The following LTBP1 variants were observed in gnomAD, a reference collection of about 807,000 sequenced individuals.
LTBP1 encodes latent-transforming growth factor beta-binding protein 1.
Under a neutral mutation model 207.6 loss-of-function variants are expected in LTBP1, and 129 were observed. That is an observed-to-expected ratio of 0.62 (90% CI 0.54 to 0.72). The LOEUF is 0.72. LTBP1 is among the 30% of genes least tolerant of loss of function. The pLI is 0.00. For synonymous variants in LTBP1, 963 were observed against 833.7 expected, an observed-to-expected ratio of 1.16 and a Z score of -2.67; for missense variants, 2,281 against 2,217.2, an observed-to-expected ratio of 1.03 and a Z score of -0.58.
At chr2:33,196,062 A>G (rs1487870589) in intron 7 of LTBP1, among the ~76,000 whole-genome samples, 1 of 152,252 alleles carries the variant, frequency 6.6e-6, no homozygotes, top group Non-Finnish European at 1.5e-5. Flanking sequence ...AATAGACGAC[A>G]GTATAGTGTA....
At chr2:32,995,183 C>CAAAAA (rs374253181) in intron 2 of LTBP1, among the ~76,000 whole-genome samples, 2 of 140,680 alleles carry the variant, frequency 1.4e-5, no homozygotes, top group African/African-American at 2.6e-5. Context: ...ACCCTGTCTC[C>CAAAAA]AAAAAAAAAA....
At chr2:33,167,609 C>A (rs1572944230) in intron 5 of LTBP1, among the ~76,000 whole-genome samples, 1 of 152,200 alleles carries the variant, frequency 6.6e-6, no homozygotes, top group African/African-American at 2.4e-5. Context: ...GCCCTGGCAT[C>A]TTCAAGAATG....
intron 7 of LTBP1, among the ~76,000 whole-genome samples, chr2:33,199,599 A>G (rs1480354428): frequency 6.6e-6 from 1 of 152,200 alleles, no homozygotes; most frequent in Non-Finnish European, 1.5e-5. Flanking sequence ...ATTCCTATTC[A>G]ACATAGTGTT....
In LTBP1 at chr2:33,257,413, C is replaced by A. The variant is rs773789684; in HGVS notation, c.2297C>A (p.Ala766Asp). 1.2e-6 allele frequency: 2 copies of A among 1,614,212 alleles called. No individual in the cohort carries two copies. Among genetic ancestry groups the A allele is most frequent in the East Asian group, 4.5e-5 (2 of 44,888 alleles). The stretch of plus-strand genomic sequence containing the variant: ...AAGCCAAAGAACACTCAACCTGTTG[C>A]TAAAAGTACTCATCCTCCACCTCTC... ...FVKPKNTQPV[A>D]KSTHPPPLPA... Residue 766 changes from alanine to aspartate, a missense_variant, in exon 12 of 34, where the codon GCT becomes GAT. Coordinates refer to ENST00000404816, the MANE Select transcript of LTBP1 (RefSeq NM_206943.4).
chr2:32,975,863 A>C (rs1681698670), intron 2 of LTBP1, among the ~76,000 whole-genome samples: 1 of 151,832 alleles, frequency 6.6e-6, no homozygotes, highest in African/African-American at 2.4e-5. Flanking sequence ...AATCTCCACG[A>C]TCTTTGTTCC....
intron 9 of LTBP1, among the ~76,000 whole-genome samples, chr2:33,239,818 C>T (rs182251960): frequency 1.4e-4 from 21 of 151,710 alleles, no homozygotes; most frequent in African/African-American, 4.4e-4. Context: ...GCAGGAGAAT[C>T]GCTTGAACCT....
At chr2:33,386,739 C>T (rs956325032) in intron 31 of LTBP1, among the ~76,000 whole-genome samples, 4 of 152,016 alleles carry the variant, frequency 2.6e-5, no homozygotes, top group Admixed American at 2.6e-4. Flanking sequence ...GTGAAAGGAT[C>T]GCTTGAGCCC....
chr2:33,362,765 A>G (rs924594123), intron 28 of LTBP1, among the ~76,000 whole-genome samples: 1 of 152,350 alleles, frequency 6.6e-6, no homozygotes, highest in Admixed American at 6.5e-5. Flanking sequence ...ACTTTTGAGT[A>G]TCTGCTTATG....
intron 23 of LTBP1, among the ~76,000 whole-genome samples, chr2:33,314,700 G>A (rs1349123744): frequency 6.6e-6 from 1 of 152,180 alleles, no homozygotes; most frequent in Non-Finnish European, 1.5e-5. Context: ...GACATGTCTA[G>A]CCTTGCCCTT....
chr2:33,242,705 A>T (rs567565349), intron 9 of LTBP1, among the ~76,000 whole-genome samples: 1 of 143,244 alleles, frequency 7.0e-6, no homozygotes, highest in Non-Finnish European at 1.5e-5. Flanking sequence ...AAAAAAAAAG[A>T]TTTGTCCATT....
intron 3 of LTBP1, among the ~76,000 whole-genome samples, chr2:33,040,033 A>G (rs753611722): frequency 6.6e-6 from 1 of 152,128 alleles, no homozygotes; most frequent in African/African-American, 2.4e-5. Flanking sequence ...CCGGTTTTGG[A>G]ATCTGGGAGT....
intron 4 of LTBP1, among the ~76,000 whole-genome samples, chr2:33,118,890 A>G (rs1158528274): frequency 2.0e-5 from 3 of 152,226 alleles, no homozygotes; most frequent in Non-Finnish European, 4.4e-5. Context: ...CACGAAGTTT[A>G]AGATAGCTGT....
chr2:33,028,325 C>A (rs997121828), intron 3 of LTBP1, among the ~76,000 whole-genome samples: 1 of 152,132 alleles, frequency 6.6e-6, no homozygotes, highest in African/African-American at 2.4e-5. Flanking sequence ...TATTCTGTGC[C>A]AGACACAATT....
rs997111976 is a variant in LTBP1, at chr2:32,947,222, C to G, written c.-103C>G. The G allele has an allele frequency of 6.6e-6, 6 of 910,504 alleles. No homozygotes were observed. Among genetic ancestry groups the G allele is most frequent in the Non-Finnish European group, 8.5e-6 (6 of 702,862 alleles). 56.4% of individuals were successfully genotyped at this position (910,504 alleles called of 1,614,324 possible). ...TCTCCTCCCGCCTTTCCCGGGCTCT[C>G]GGCAGCTCTCGGGGGAGCCCGAACG... On this transcript the variant is annotated 5_prime_UTR_variant, in exon 1 of 34. Coordinates refer to ENST00000404816, the MANE Select transcript of LTBP1 (RefSeq NM_206943.4).
chr2:33,238,687 C>T (rs747900294), intron 9 of LTBP1, among the ~76,000 whole-genome samples: 76 of 152,264 alleles, frequency 5.0e-4, no homozygotes, highest in Admixed American at 1.4e-3. Flanking sequence ...CTATTATTTT[C>T]CCCCATCCTC....
intron 15 of LTBP1, among the ~76,000 whole-genome samples, chr2:33,269,185 A>G (rs1318662362): frequency 6.6e-6 from 1 of 152,220 alleles, no homozygotes; most frequent in Non-Finnish European, 1.5e-5. Context: ...AGTCATTTTC[A>G]TATTTTGCTA....
intron 3 of LTBP1, among the ~76,000 whole-genome samples, chr2:33,043,012 T>G (rs2076264661): frequency 6.6e-6 from 1 of 152,174 alleles, no homozygotes; most frequent in African/African-American, 2.4e-5. Flanking sequence ...TCTACACAGT[T>G]TGTGTACATG....
chr2:33,052,978 G>A (rs551405162), intron 3 of LTBP1, among the ~76,000 whole-genome samples: 11 of 151,950 alleles, frequency 7.2e-5, no homozygotes, highest in East Asian at 3.9e-4. Flanking sequence ...GGGTGTAAGC[G>A]ATTCTCTTGC....
chr2:33,352,155 G>T (rs914907486), intron 26 of LTBP1, among the ~76,000 whole-genome samples: 6 of 151,848 alleles, frequency 4.0e-5, no homozygotes, highest in Non-Finnish European at 8.8e-5. Context: ...TTTTTGAGAT[G>T]GAGTCTTGCT....
Sources: gnomAD v4.1 joint callset for allele counts (sites outside exome capture counted in the v4.1 genomes callset) on GRCh38, gnomAD v4.1.1 for gene constraint, MANE v1.5 for transcripts, NCBI Gene and HGNC (gene_info 2026-07-23, HGNC 2026-07-21) for gene names.